Variants in ERP27 observed in about 807,000 individuals in gnomAD.
ERP27 encodes the protein endoplasmic reticulum resident protein 27.
A neutral mutation model predicts 27.7 loss-of-function variants in ERP27; 23 were observed. That is an observed-to-expected ratio of 0.83 (90% confidence interval 0.60 to 1.18). ERP27 has a LOEUF of 1.18. ERP27 is among the 50% of genes most tolerant of loss of function. ERP27 has a pLI of 0.00. For synonymous variants in ERP27, 159 were observed against 118.3 expected (o/e 1.34, Z -2.23); for missense variants, 363 against 327.9 (o/e 1.11, Z -0.83).
At chr12:14,917,464 T>C (rs1863429413) in intron 4 of ERP27, among the ~76,000 whole-genome samples, 161 bp from the exon 5 acceptor site, 2 of 152,190 alleles carry the variant, frequency 1.3e-5, no homozygotes, top group Non-Finnish European at 2.9e-5. Flanking sequence ...TCTTACCATC[T>C]CGTTTTCATG....
rs1863375941 is a variant in ERP27, at chr12:14,914,575, T to TGTGTGCGCGTGTGTGTGTGCACGC, written c.*159_*160insGCGTGCACACACACACGCGCACAC. On this transcript the variant is annotated 3_prime_UTR_variant, in exon 7 of 7. Coordinates refer to ENST00000266397, the MANE Select transcript of ERP27 (RefSeq NM_152321.4). ...ATGAAGCTCTGTGTGTGTGTGTGTG[T>TGTGTGCGCGTGTGTGTGTGCACGC]GTGCGTGTGTGTGTGCACGCGTGCG... is the stretch of plus-strand genomic sequence containing the variant. The TGTGTGCGCGTGTGTGTGTGCACGC allele has an allele frequency of 2.1e-5, 12 of 573,582 alleles. No homozygotes were observed. The East Asian group carries it at 3.4e-4, about 16-fold the overall frequency. The allele number at this position is 573,582 out of a possible 1,614,324, so 35.5% of individuals were successfully genotyped here.
intron 3 of ERP27, chr12:14,928,970 T>C: frequency 3.3e-6 from 5 of 1,535,326 alleles, no homozygotes; most frequent in Non-Finnish European, 4.4e-6. Context: ...GCAAGTCTCC[T>C]TCATACTTAA....
At chr12:14,928,897 A>G in intron 3 of ERP27, 1 of 1,522,778 alleles carries the variant, frequency 6.6e-7, no homozygotes, top group Non-Finnish European at 8.8e-7. Flanking sequence ...TGAGCACACA[A>G]AAAAATAATA....
chr12:14,928,937 C>T lies in ERP27; in HGVS notation c.333+5919G>A, dbSNP rs554191262. The T allele has an allele frequency of 2.0e-6, 3 of 1,535,104 alleles. No individual in the cohort carries two copies. The South Asian group carries it at 3.6e-5, about 18-fold the overall frequency. On this transcript the variant is annotated intron_variant, in intron 3 of 6. Coordinates refer to ENST00000266397, the MANE Select transcript of ERP27 (RefSeq NM_152321.4). The stretch of plus-strand genomic sequence containing the variant: ...CAGCTCCTCTAGATACTTAATGCTG[C>T]TACCGACCTGTATTTCCAGCTGGCA...
At chr12:14,921,648 A>G (rs2120564464) in intron 3 of ERP27, among the ~76,000 whole-genome samples, 1 of 152,370 alleles carries the variant, frequency 6.6e-6, no homozygotes. Flanking sequence ...AGAGAAAAAT[A>G]TAACACAGTA....
chr12:14,938,384 C>T, intron 1 of ERP27, 31 bp downstream of exon 1: 7 of 1,607,180 alleles, frequency 4.4e-6, no homozygotes, highest in Non-Finnish European at 6.0e-6. Flanking sequence ...CACTTTCACA[C>T]TATAGCCACC....
intron 3 of ERP27, 53 bp from the exon 4 acceptor site, chr12:14,921,101 T>C (rs1863496679): frequency 6.8e-7 from 1 of 1,463,976 alleles, no homozygotes; most frequent in Non-Finnish European, 9.6e-7. Context: ...TTTCATGTAT[T>C]GATAAACGTC....
chr12:14,929,902 C>T (rs1202455127), intron 3 of ERP27, among the ~76,000 whole-genome samples: 2 of 151,086 alleles, frequency 1.3e-5, no homozygotes, highest in Admixed American at 1.3e-4. Flanking sequence ...CTCACGTCCT[C>T]GGTTTGTTTT....
At chr12:14,915,739 G>T in intron 5 of ERP27, 53 bp from the exon 6 acceptor site, 1 of 1,481,898 alleles carries the variant, frequency 6.7e-7, no homozygotes, top group Non-Finnish European at 9.4e-7. Flanking sequence ...GACGTCCAGG[G>T]ATAAAGAGAT....
At chr12:14,936,707 G>A (rs1479613290) in intron 2 of ERP27, among the ~76,000 whole-genome samples, 1 of 152,036 alleles carries the variant, frequency 6.6e-6, no homozygotes, top group African/African-American at 2.4e-5. Context: ...AAGATCTGAT[G>A]GTTTTTTAAG....
At chr12:14,935,393 C>T (rs1863759569) in intron 2 of ERP27, among the ~76,000 whole-genome samples, 1 of 152,202 alleles carries the variant, frequency 6.6e-6, no homozygotes, top group African/African-American at 2.4e-5. Context: ...ACATAACCAA[C>T]TCTATTTTTG....
rs992845513 is a variant in ERP27 at position 14,924,748 on chromosome 12, G to A, written c.334-3700C>T. On this transcript the variant is annotated intron_variant, in intron 3 of 6. Transcript: ENST00000266397. ...ATAGGGGATAGGAAAAATGAGCTGA[G>A]ACCTACTGGGCTGCATTCCAAGATG... 4.6e-5 allele frequency among the ~76,000 whole-genome samples: 7 copies of A among 152,206 alleles called. 1 individual carries two copies. The highest frequency in any genetic ancestry group is 1.7e-4 in the African/African-American group (7 of 41,458).
At chr12:14,918,959 G>C (rs1449482807) in intron 4 of ERP27, among the ~76,000 whole-genome samples, 1 of 152,190 alleles carries the variant, frequency 6.6e-6, no homozygotes, top group African/African-American at 2.4e-5. Context: ...AGAAATAAAA[G>C]CTAAGATGTC....
chr12:14,919,701 A>G (rs1489668121), intron 4 of ERP27, among the ~76,000 whole-genome samples: 1 of 152,228 alleles, frequency 6.6e-6, no homozygotes, highest in Non-Finnish European at 1.5e-5. Flanking sequence ...GGGCAACTAC[A>G]TAGGCTGTCT....
chr12:14,917,427 T>C, intron 4 of ERP27, 124 bp from the exon 5 acceptor site: 1 of 1,313,738 alleles, frequency 7.6e-7, no homozygotes, highest in East Asian at 2.3e-5. Context: ...CAAATGGAAC[T>C]AGCTTCCAAG....
intron 4 of ERP27, among the ~76,000 whole-genome samples, chr12:14,918,357 C>A (rs1863446735): frequency 6.6e-6 from 1 of 152,178 alleles, no homozygotes; most frequent in Non-Finnish European, 1.5e-5. Context: ...AGAAGGTGAG[C>A]TCTTCAGGAG....
At chr12:14,928,158 C>A (rs550476985) in intron 3 of ERP27, among the ~76,000 whole-genome samples, 2 of 152,200 alleles carry the variant, frequency 1.3e-5, no homozygotes, top group Non-Finnish European at 2.9e-5. Context: ...CCTCCATGTG[C>A]TATCTGTATA....
intron 3 of ERP27, among the ~76,000 whole-genome samples, chr12:14,930,416 T>G (rs1043178033): frequency 2.0e-5 from 3 of 152,220 alleles, no homozygotes; most frequent in Non-Finnish European, 2.9e-5. Context: ...TTTCTTTAAA[T>G]AGTAGTGACT....
chr12:14,918,588 T>C (rs531080014), intron 4 of ERP27, among the ~76,000 whole-genome samples: 2 of 152,300 alleles, frequency 1.3e-5, no homozygotes, highest in Middle Eastern at 3.4e-3. Context: ...TCAGAAAGCA[T>C]TGCTACAAAA....
Sources: gnomAD v4.1 joint callset for allele counts (sites outside exome capture counted in the v4.1 genomes callset) on GRCh38, gnomAD v4.1.1 for gene constraint, MANE v1.5 for transcripts, NCBI Gene and HGNC (gene_info 2026-07-23, HGNC 2026-07-21) for gene names.